Variants in ADGRL3 observed in about 807,000 individuals in gnomAD.
ADGRL3 encodes calcium-independent alpha-latrotoxin receptor 3.
ADGRL3 carries 62 observed loss-of-function variants against 153.5 expected under a neutral mutation model. The observed-to-expected ratio is 0.40, with a 90% CI of 0.33 to 0.50. The LOEUF is 0.50. ADGRL3 is among the 20% of genes least tolerant of loss of function. The pLI, the probability that ADGRL3 is intolerant of heterozygous loss-of-function variation, is 0.47. For synonymous variants in ADGRL3, 710 were observed against 672.5 expected (o/e 1.06, Z -0.86); for missense variants, 1,641 against 1,859.4 (o/e 0.88, Z 2.16).
intron 1 of ADGRL3, among the ~76,000 whole-genome samples, chr4:61,258,704 G>A (rs1035904139): frequency 1.3e-5 from 2 of 152,152 alleles, no homozygotes; most frequent in African/African-American, 4.8e-5. Context: ...ACCAGTGGGA[G>A]CGTACACCCA....
chr4:61,321,101 C>A (rs2150752921), intron 1 of ADGRL3, among the ~76,000 whole-genome samples: 1 of 152,280 alleles, frequency 6.6e-6, no homozygotes, highest in Non-Finnish European at 1.5e-5. Context: ...GATAATCTTT[C>A]CATCCAAAGG....
At chr4:61,902,646 C>T (rs2098670944) in intron 11 of ADGRL3, among the ~76,000 whole-genome samples, 2 of 152,030 alleles carry the variant, frequency 1.3e-5, no homozygotes, top group African/African-American at 4.8e-5. Context: ...TGCAGTTTCT[C>T]TAAGACTCCA....
chr4:61,679,669 C>T (rs2150953948), intron 6 of ADGRL3, among the ~76,000 whole-genome samples: 1 of 152,094 alleles, frequency 6.6e-6, no homozygotes, highest in South Asian at 2.1e-4. Flanking sequence ...TTATGTGTAT[C>T]ACCATTTTTC....
intron 15 of ADGRL3, among the ~76,000 whole-genome samples, chr4:61,945,890 C>A (rs996296388): frequency 1.3e-5 from 2 of 152,102 alleles, no homozygotes; most frequent in Non-Finnish European, 2.9e-5. Flanking sequence ...AGAAATCACC[C>A]GTCTTCTGCG....
chr4:61,852,777 T>A (rs1429597151), intron 9 of ADGRL3, among the ~76,000 whole-genome samples: 2 of 151,906 alleles, frequency 1.3e-5, no homozygotes, highest in African/African-American at 2.4e-5. Context: ...GAGTAGGTAT[T>A]TCTCTCCATA....
At position 62,071,638 on chromosome 4, in the gene ADGRL3, A is replaced by G. The variant is rs1440780867; in HGVS notation, c.*730A>G. 2 of 210,764 alleles carry G rather than the reference A, an allele frequency of 9.5e-6. No homozygotes were observed. Among genetic ancestry groups the G allele is most frequent in the Non-Finnish European group, 9.7e-6 (1 of 102,646 alleles). The allele number at this position is 210,764 out of a possible 1,614,324, so 13.1% of individuals were successfully genotyped here. ...AATTTGAGTCCTGTTAATGTAGTAGAAAAAAAAAAAAGAAATTTTCTTTTT... is the reference window on the plus strand; with the variant it reads ...AATTTGAGTCCTGTTAATGTAGTAGGAAAAAAAAAAAGAAATTTTCTTTTT... On this transcript the variant is annotated 3_prime_UTR_variant, in exon 27 of 27. Coordinates refer to ENST00000683033, the MANE Select transcript of ADGRL3 (RefSeq NM_001387552.1).
At chr4:62,007,923 G>A (rs921302563) in intron 21 of ADGRL3, among the ~76,000 whole-genome samples, 3 of 152,104 alleles carry the variant, frequency 2.0e-5, no homozygotes, top group South Asian at 4.1e-4. Flanking sequence ...AACCTGCAAA[G>A]TGGATTGAGG....
intron 9 of ADGRL3, among the ~76,000 whole-genome samples, chr4:61,828,871 C>G (rs2097841206): frequency 6.6e-6 from 1 of 152,144 alleles, no homozygotes; most frequent in Non-Finnish European, 1.5e-5. Flanking sequence ...GCATCTAAGA[C>G]AAAAGTAAGA....
chr4:61,889,058 A>G (rs2098555004), intron 9 of ADGRL3, among the ~76,000 whole-genome samples: 1 of 152,126 alleles, frequency 6.6e-6, no homozygotes, highest in African/African-American at 2.4e-5. Flanking sequence ...GTGGGATACT[A>G]TATTCTCCAC....
At chr4:61,893,709 C>CT (rs34248874) in intron 10 of ADGRL3, among the ~76,000 whole-genome samples, 66,385 of 97,428 alleles carry the variant, frequency 0.68, 23,934 homozygotes, top group East Asian at 0.79. Flanking sequence ...ATTTCTTTGC[C>CT]TTTTTTTTTT....
chr4:61,937,959 G>A (rs2098846169), intron 15 of ADGRL3, among the ~76,000 whole-genome samples: 1 of 152,144 alleles, frequency 6.6e-6, no homozygotes, highest in Non-Finnish European at 1.5e-5. Flanking sequence ...GTCTTTCTAT[G>A]TTTCCCAGGC....
intron 15 of ADGRL3, among the ~76,000 whole-genome samples, chr4:61,936,363 T>G (rs967562915): frequency 6.6e-6 from 1 of 152,164 alleles, no homozygotes; most frequent in Non-Finnish European, 1.5e-5. Context: ...GAACTCTCAC[T>G]GAGTTTGCAG....
At chr4:61,360,634 G>A (rs1039288178) in intron 1 of ADGRL3, among the ~76,000 whole-genome samples, 1 of 152,112 alleles carries the variant, frequency 6.6e-6, no homozygotes, top group Non-Finnish European at 1.5e-5. Context: ...TAAACTCTAA[G>A]AAGGGTTTGC....
In ADGRL3 at chr4:61,712,865, G is replaced by A. The variant is rs566554245; in HGVS notation, c.584-17757G>A. Among the ~76,000 whole-genome samples, 4 of 152,182 alleles carry A rather than the reference G, an allele frequency of 2.6e-5. No individual in the cohort carries two copies. In the South Asian group the frequency reaches 8.3e-4, roughly 32 times the overall value. On this transcript the variant is annotated intron_variant, in intron 6 of 26. Transcript: ENST00000683033. ...CTCTCTCTGTATACATTTATGTTCT[G>A]CATTTCTGCATTGAAATGTATTGTT...
intron 2 of ADGRL3, among the ~76,000 whole-genome samples, chr4:61,493,662 C>G (rs904040569): frequency 2.6e-5 from 4 of 152,188 alleles, no homozygotes; most frequent in African/African-American, 9.7e-5. Flanking sequence ...TTTGTCCTCT[C>G]TTCTCTGCGT....
At chr4:61,448,037 A>G (rs1204052302) in intron 2 of ADGRL3, among the ~76,000 whole-genome samples, 1 of 152,212 alleles carries the variant, frequency 6.6e-6, no homozygotes, top group Non-Finnish European at 1.5e-5. Context: ...AGTTGAGAAC[A>G]TATAGATGAG....
chr4:61,890,197 G>T (rs2098565184), intron 9 of ADGRL3, among the ~76,000 whole-genome samples: 1 of 152,142 alleles, frequency 6.6e-6, no homozygotes, highest in Admixed American at 6.5e-5. Context: ...TATTATCAAT[G>T]AAAAGATTAT....
intron 25 of ADGRL3, among the ~76,000 whole-genome samples, chr4:62,057,069 T>C (rs944467891): frequency 1.3e-5 from 2 of 152,112 alleles, no homozygotes; most frequent in African/African-American, 2.4e-5. Flanking sequence ...ATTCAAGTTA[T>C]TTTAAGAACT....
chr4:61,324,142 G>T (rs2095420601), intron 1 of ADGRL3, among the ~76,000 whole-genome samples: 2 of 152,080 alleles, frequency 1.3e-5, no homozygotes, highest in South Asian at 2.1e-4. Context: ...CCATGATTCG[G>T]TCATCTCCCA....
Sources: allele counts gnomAD v4.1 joint callset (sites outside exome capture counted in the v4.1 genomes callset), GRCh38; gene constraint gnomAD v4.1.1; transcripts MANE v1.5; gene names NCBI Gene and HGNC (gene_info 2026-07-23, HGNC 2026-07-21).